KL: variants seen among roughly 807,000 people sequenced by gnomAD.
The protein encoded by KL is alpha-klotho.
In KL, 62 loss-of-function variants were observed where a neutral mutation model predicts 84.2. The observed-to-expected ratio is 0.74, with a 90% CI of 0.60 to 0.91. KL has a LOEUF of 0.91. Among genes scored for constraint, KL ranks in the 40% least tolerant of loss-of-function variants. The pLI, the probability that KL is intolerant of heterozygous loss-of-function variation, is 0.00. For synonymous variants in KL, 528 were observed against 528.0 expected (o/e 1.00, Z 0.00); for missense variants, 1,261 against 1,305.7 (o/e 0.97, Z 0.53).
In KL at chr13:33,055,149, A is replaced by G. The variant is rs538764483; in HGVS notation, c.1433A>G (p.Tyr478Cys). 7 of 1,614,184 alleles carry G rather than the reference A, an allele frequency of 4.3e-6. No homozygotes were observed. The East Asian group carries it at 6.7e-5, about 15-fold the overall frequency. Residue 478 changes from tyrosine (Y) to cysteine (C), a missense_variant, in exon 3 of 5, where the codon TAT becomes TGT. By Grantham distance (194) the Tyr-to-Cys change is radical. Transcript: ENST00000380099. The part of the protein sequence containing the change: ...RGYSIRRGLF[Y>C]VDFLSQDKML... ...TACAGCATCAGGCGTGGACTCTTCT[A>G]TGTTGACTTTCTAAGCCAGGACAAG...
chr13:33,061,228 A>C lies in KL; in HGVS notation c.2149A>C (p.Lys717Gln). The change falls in exon 4 of 5, where the codon AAG (lysine) becomes CAG (glutamine). Residue 717 changes from lysine to glutamine, a missense_variant. By Grantham distance (53) the Lys-to-Gln change is moderately conservative (BLOSUM62 1). Transcript: ENST00000380099. The part of the protein sequence containing the change: ...HALAWHVYNE[K>Q]FRHAQNGKIS... ...CCTGGCTTGGCATGTGTACAATGAA[A>C]AGTTTAGGCATGCTCAGAATGGGAA... 1 of 1,614,214 alleles carries C rather than the reference A, an allele frequency of 6.2e-7. No homozygotes were observed. The highest frequency in any genetic ancestry group is 8.5e-7 in the Non-Finnish European group (1 of 1,180,030).
chr13:33,062,239 G>A (rs1872236206), intron 4 of KL, among the ~76,000 whole-genome samples: 1 of 152,066 alleles, frequency 6.6e-6, no homozygotes, highest in Non-Finnish European at 1.5e-5. Context: ...AATTAGCTGG[G>A]CACGGTGGCA....
intron 1 of KL, among the ~76,000 whole-genome samples, chr13:33,027,502 T>G (rs1002025029): frequency 9.2e-5 from 14 of 152,258 alleles, no homozygotes; most frequent in Non-Finnish European, 1.5e-4. Context: ...GTTTCTCTAC[T>G]CTTCCACTGT....
chr13:33,061,811 A>G, intron 4 of KL, 31 bp downstream of exon 4: 1 of 1,606,734 alleles, frequency 6.2e-7, no homozygotes, highest in Non-Finnish European at 8.5e-7. Context: ...CTATCTCCTG[A>G]AGGTTATGTC....
At chr13:33,042,123 G>A (rs547237044) in intron 1 of KL, among the ~76,000 whole-genome samples, 19 of 151,856 alleles carry the variant, frequency 1.3e-4, no homozygotes, top group Admixed American at 6.6e-4. Context: ...TTTATGTTTC[G>A]GAGAAAATCA....
At chr13:33,037,459 T>A (rs1871178973) in intron 1 of KL, among the ~76,000 whole-genome samples, 1 of 152,188 alleles carries the variant, frequency 6.6e-6, no homozygotes, top group African/African-American at 2.4e-5. Flanking sequence ...AATACTTTAT[T>A]TTTTAATGCC....
chr13:33,061,431 T>C lies in KL; in HGVS notation c.2352T>C (p.Phe784=), dbSNP rs1872195708. The change falls in exon 4 of 5, where the codon TTT becomes TTC. Residue 784 remains phenylalanine, a synonymous_variant. Coordinates refer to ENST00000380099, the MANE Select transcript of KL (RefSeq NM_004795.4). ...MRDWLNQRNN[F]LLPYFTEDEK... The stretch of plus-strand genomic sequence containing the variant: ...ACTGGCTGAACCAAAGAAACAATTT[T>C]CTTCTTCCTTATTTCACTGAAGATG... The C allele has an allele frequency of 6.2e-7, 1 of 1,614,208 alleles. No individual in the cohort carries two copies. Among genetic ancestry groups the C allele is most frequent in the Non-Finnish European group, 8.5e-7 (1 of 1,180,032 alleles).
chr13:33,048,460 C>A (rs535252594), intron 1 of KL, among the ~76,000 whole-genome samples: 1 of 152,306 alleles, frequency 6.6e-6, no homozygotes, highest in Admixed American at 6.5e-5. Flanking sequence ...CCTACCCAAC[C>A]TTTGGTATTC....
At position 33,064,007 on chromosome 13, in the gene KL, C is replaced by A; in HGVS notation, c.2860C>A (p.Pro954Thr). The A allele has an allele frequency of 6.2e-7, 1 of 1,614,092 alleles. No individual in the cohort carries two copies. ...GAAAATTATTGACAGCAATGGTTTCCCGGGCCCAGAAACTCTGGAAAGATT... is the reference window on the plus strand; with the variant it reads ...GAAAATTATTGACAGCAATGGTTTCACGGGCCCAGAAACTCTGGAAAGATT... ...YRKIIDSNGF[P>T]GPETLERFCP... Residue 954 changes from proline to threonine, a missense_variant, in exon 5 of 5, where the codon CCG (proline) becomes ACG (threonine). Coordinates refer to ENST00000380099, the MANE Select transcript of KL (RefSeq NM_004795.4).
chr13:33,061,317 A>C lies in KL; in HGVS notation c.2238A>C (p.Lys746Asn). 6.2e-7 allele frequency: 1 copy of C among 1,614,220 alleles called. No individual in the cohort carries two copies. The highest frequency in any genetic ancestry group is 8.5e-7 in the Non-Finnish European group (1 of 1,180,040). Residue 746 changes from lysine to asparagine, a missense_variant, in exon 4 of 5, where the codon AAA becomes AAC. Transcript: ENST00000380099. Reference sequence around the variant, plus strand: ...CCTGCCCTTTCTCCCAAAAGGACAAAGAGGTGGCTGAGAGAGTTTTGGAAT... The same window carrying C: ...CCTGCCCTTTCTCCCAAAAGGACAACGAGGTGGCTGAGAGAGTTTTGGAAT... ...EPACPFSQKD[K>N]EVAERVLEFD...
intron 1 of KL, among the ~76,000 whole-genome samples, chr13:33,029,815 A>G (rs1000609323): frequency 3.9e-5 from 6 of 151,990 alleles, no homozygotes; most frequent in African/African-American, 1.5e-4. Context: ...TTGTATTTTT[A>G]GTAGAGACGG....
intron 1 of KL, among the ~76,000 whole-genome samples, chr13:33,038,930 A>G (rs547550539): frequency 2.0e-5 from 3 of 152,350 alleles, no homozygotes; most frequent in Admixed American, 2.0e-4. Flanking sequence ...TTCTTATTCA[A>G]AAAGCAATAC....
At chr13:33,056,204 T>A (rs1265564667) in intron 3 of KL, among the ~76,000 whole-genome samples, 1 of 151,656 alleles carries the variant, frequency 6.6e-6, no homozygotes, top group Middle Eastern at 3.2e-3. Context: ...GCTGATAGAG[T>A]CCCAAGTGTG....
rs1441130218 is a variant in KL at position 33,017,133 on chromosome 13, C to G, written c.693C>G (p.Val231=). ...ELCFRHFGGQ[V]KYWITIDNPY... ...GCTTCCGCCACTTCGGCGGTCAGGT[C>G]AAGTACTGGATCACCATCGACAACC... Residue 231 remains valine, a synonymous_variant, in exon 1 of 5, where the codon GTC becomes GTG. Coordinates refer to ENST00000380099, the MANE Select transcript of KL (RefSeq NM_004795.4). 6.2e-7 allele frequency: 1 copy of G among 1,603,416 alleles called. No individual in the cohort carries two copies. Among genetic ancestry groups the G allele is most frequent in the South Asian group, 1.1e-5 (1 of 91,080 alleles).
chr13:33,046,856 T>C (rs1429305517), intron 1 of KL, among the ~76,000 whole-genome samples: 2 of 152,138 alleles, frequency 1.3e-5, no homozygotes, highest in Non-Finnish European at 2.9e-5. Context: ...GTTTTTTATA[T>C]ACACATTTAA....
intron 1 of KL, among the ~76,000 whole-genome samples, chr13:33,051,901 G>C (rs976995822): frequency 6.6e-6 from 1 of 152,178 alleles, no homozygotes; most frequent in Non-Finnish European, 1.5e-5. Context: ...GTTAATTGCT[G>C]AGTACTAGCC....
chr13:33,035,302 C>G (rs1451024031), intron 1 of KL, among the ~76,000 whole-genome samples: 1 of 152,168 alleles, frequency 6.6e-6, no homozygotes, highest in Non-Finnish European at 1.5e-5. Context: ...TAAAGAAAGT[C>G]TCAAGGAGAG....
rs1872398317 is a variant in KL at position 33,066,006 on chromosome 13, TG to T, written c.*1821del. On this transcript the variant is annotated 3_prime_UTR_variant, in exon 5 of 5. Transcript: ENST00000380099. ...TAGACTAGTTTCTTATTAATGTTGATGAATGTTGTTTAAAAATAATTTTGTT... is the reference window on the plus strand; with the variant it reads ...TAGACTAGTTTCTTATTAATGTTGATAATGTTGTTTAAAAATAATTTTGTT... The T allele has an allele frequency of 5.7e-6, 1 of 176,508 alleles. No homozygotes were observed. The highest frequency in any genetic ancestry group is 1.2e-5 in the Non-Finnish European group (1 of 81,982). The allele number at this position is 176,508 out of a possible 1,614,324, so 10.9% of individuals were successfully genotyped here. A position where few individuals can be genotyped will look rare whatever the true frequency, so the allele number is the denominator to read the frequency against.
At position 33,060,762 on chromosome 13, in the gene KL, T is replaced by C. The variant is rs756472344; in HGVS notation, c.1683T>C (p.Asp561=). ...ACAGTAAAAGGCTTATTAAAGTGGA[T>C]GGGGTTGTGACCAAGAAGAGGAAAT... is the stretch of plus-strand genomic sequence containing the variant. The part of the protein sequence containing the change: ...VHHSKRLIKV[D]GVVTKKRKSY... The change falls in exon 4 of 5, where the codon GAT becomes GAC. Residue 561 remains aspartate, a synonymous_variant. Transcript: ENST00000380099. 1.9e-5 allele frequency: 30 copies of C among 1,614,080 alleles called. No individual in the cohort carries two copies. Among genetic ancestry groups the C allele is most frequent in the Non-Finnish European group, 2.5e-5 (30 of 1,180,042 alleles).
Sources: gnomAD v4.1 joint callset for allele counts (sites outside exome capture counted in the v4.1 genomes callset) on GRCh38, gnomAD v4.1.1 for gene constraint, MANE v1.5 for transcripts, NCBI Gene and HGNC (gene_info 2026-07-23, HGNC 2026-07-21) for gene names.